The following ZNF695 variants were observed in gnomAD, a reference collection of about 807,000 sequenced individuals.
ZNF695 encodes zinc finger protein SBZF3.
A neutral mutation model predicts 11.2 loss-of-function variants in ZNF695; 11 were observed. The ratio of observed to expected loss-of-function variants is 0.98; its 90% CI spans 0.62 to 1.62. The LOEUF is 1.62. ZNF695 is among the 40% of genes most tolerant of loss of function. ZNF695 has a pLI of 0.00. For missense variants in ZNF695, 559 were observed against 590.5 expected (o/e 0.95, Z 0.55); for synonymous variants, 190 against 201.4 (o/e 0.94, Z 0.48).
chr1:246,995,007 G>T (rs1226011458), intron 3 of ZNF695, among the ~76,000 whole-genome samples: 1 of 152,076 alleles, frequency 6.6e-6, no homozygotes, highest in African/African-American at 2.4e-5. Context: ...GATATATAAA[G>T]CAACTATTTA....
chr1:246,987,234 C>A lies in ZNF695; in HGVS notation c.1281G>T (p.Lys427Asn). ...FTWFSYLTQH[K>N]RIHTGEKPYK... The stretch of plus-strand genomic sequence containing the variant: ...AGGGTTTCTCTCCAGTATGAATTCT[C>A]TTATGTTGAGTAAGGTATGAAAACC... The change falls in exon 4 of 4, where the codon AAG becomes AAT. Residue 427 changes from lysine (K) to asparagine (N), a missense_variant. Physicochemically the swap from Lys to Asn is moderately conservative, Grantham distance 94. Coordinates refer to ENST00000339986, the MANE Select transcript of ZNF695 (RefSeq NM_020394.5). The A allele has an allele frequency of 6.2e-7, 1 of 1,613,862 alleles. No homozygotes were observed. The highest frequency in any genetic ancestry group is 8.5e-7 in the Non-Finnish European group (1 of 1,179,962).
chr1:246,971,762 AG>A (rs1668433203), intron 4 of ZNF695, among the ~76,000 whole-genome samples: 1 of 152,238 alleles, frequency 6.6e-6, no homozygotes, highest in East Asian at 1.9e-4. Context: ...ATCTATTTCT[AG>A]TATAACTATT....
chr1:246,984,875 T>C (rs932666636), downstream of ZNF695, among the ~76,000 whole-genome samples: 37 of 152,186 alleles, frequency 2.4e-4, no homozygotes, highest in African/African-American at 8.7e-4. Flanking sequence ...CATAAGAAAT[T>C]CTTCATGAAT....
At position 246,987,812 on chromosome 1, in the gene ZNF695, C is replaced by A; in HGVS notation, c.703G>T (p.Val235Phe). 6.2e-7 allele frequency: 1 copy of A among 1,610,474 alleles called. No homozygotes were observed. Among genetic ancestry groups the A allele is most frequent in the South Asian group, 1.1e-5 (1 of 90,144 alleles). Residue 235 changes from valine (V) to phenylalanine (F), a missense_variant, in exon 4 of 4, where the codon GTT (valine) becomes TTT (phenylalanine). Val to Phe is a conservative substitution (Grantham distance 50). Transcript: ENST00000339986. The stretch of plus-strand genomic sequence containing the variant: ...TCACATTTGCAATGTTTCTCTCCAA[C>A]ATGAATTCTCTTACAGTCAGTAAAG... ...SCFTDCKRIH[V>F]GEKHCKCEEC...
Position 246,986,361 on chromosome 1 carries a change from C to A in ZNF695, c.*606G>T, listed in dbSNP as rs567411807. On this transcript the variant is annotated 3_prime_UTR_variant, in exon 4 of 4. Transcript: ENST00000339986. ...GCAACTATAGGAAAGAGCCACCGTG[C>A]CTGGCACCAAAAGGTATACTTGAAA... The A allele has an allele frequency of 7.1e-6, 7 of 985,340 alleles. No homozygotes were observed. In the South Asian group the frequency reaches 3.3e-4, roughly 46 times the overall value. 61.0% of individuals were successfully genotyped at this position (985,340 alleles called of 1,614,324 possible).
chr1:246,978,590 A>G (rs945074729), intron 4 of ZNF695, among the ~76,000 whole-genome samples: 15 of 152,204 alleles, frequency 9.9e-5, no homozygotes, highest in Admixed American at 3.9e-4. Context: ...GGTCAGACCT[A>G]TTTTTGTTCA....
intron 5 of ZNF695, among the ~76,000 whole-genome samples, chr1:246,946,542 C>G (rs1667739887): frequency 6.6e-6 from 1 of 152,254 alleles, no homozygotes; most frequent in African/African-American, 2.4e-5. Context: ...GAGATGGCAT[C>G]TGGCTGGCAG....
chr1:246,957,370 G>A (rs1456021254), intron 5 of ZNF695, among the ~76,000 whole-genome samples: 26 of 148,060 alleles, frequency 1.8e-4, no homozygotes, highest in Admixed American at 1.4e-3. Flanking sequence ...GCAACACAGC[G>A]AAACTCCGTC....
At chr1:247,001,714 A>C (rs1368900982) in intron 1 of ZNF695, among the ~76,000 whole-genome samples, 1 of 2,272 alleles carries the variant, frequency 4.4e-4, no homozygotes. Flanking sequence ...CTTCGTCTCA[A>C]AAAAAAAAAA....
intron 5 of ZNF695, among the ~76,000 whole-genome samples, chr1:246,963,048 T>C (rs1281061129): frequency 6.6e-6 from 1 of 152,204 alleles, no homozygotes. Context: ...AACCGGCTCC[T>C]GTCTCTTGCC....
chr1:246,995,896 G>T (rs958683112), intron 3 of ZNF695: 2 of 311,844 alleles, frequency 6.4e-6, no homozygotes, highest in East Asian at 2.7e-4. Context: ...TTAGGTCAAT[G>T]AAACAGAATA....
At chr1:246,993,617 G>A (rs1485695293) in intron 3 of ZNF695, among the ~76,000 whole-genome samples, 1 of 151,986 alleles carries the variant, frequency 6.6e-6, no homozygotes, top group South Asian at 2.1e-4. Flanking sequence ...AAAGTATCAG[G>A]GTACTTAACG....
intron 5 of ZNF695, among the ~76,000 whole-genome samples, chr1:246,959,313 ATATATATATAT>A (rs1668101537): frequency 1.2e-3 from 47 of 39,472 alleles, no homozygotes; most frequent in African/African-American, 3.2e-3. Flanking sequence ...AAAAAAAAAT[ATATATATATAT>A]ATATATATAT....
At chr1:246,970,630 T>C (rs1668400922) in intron 4 of ZNF695, among the ~76,000 whole-genome samples, 1 of 152,218 alleles carries the variant, frequency 6.6e-6, no homozygotes, top group Non-Finnish European at 1.5e-5. Flanking sequence ...ATCTATAAGC[T>C]AAACAATTCC....
intron 4 of ZNF695, among the ~76,000 whole-genome samples, chr1:246,975,651 T>C (rs1668538896): frequency 6.6e-6 from 1 of 152,218 alleles, no homozygotes; most frequent in Admixed American, 6.5e-5. Flanking sequence ...TGCTGAGGGC[T>C]GAGGAGTAAT....
At chr1:246,950,339 T>G (rs1202320652) in intron 5 of ZNF695, among the ~76,000 whole-genome samples, 1 of 152,290 alleles carries the variant, frequency 6.6e-6, no homozygotes, top group African/African-American at 2.4e-5. Flanking sequence ...TTTTTGATTA[T>G]ATATAATCCT....
intron 4 of ZNF695, among the ~76,000 whole-genome samples, chr1:246,970,915 C>T (rs553322603): frequency 2.4e-4 from 36 of 152,262 alleles, no homozygotes; most frequent in African/African-American, 6.5e-4. Context: ...TACAGGCATG[C>T]GCTGTAGGGT....
chr1:247,007,926 TC>T lies in ZNF695; in HGVS notation c.-19del. 1 of 1,521,816 alleles carries T rather than the reference TC, an allele frequency of 6.6e-7. No homozygotes were observed. Among genetic ancestry groups the T allele is most frequent in the Non-Finnish European group, 8.9e-7 (1 of 1,126,946 alleles). 94.3% of individuals were successfully genotyped at this position (1,521,816 alleles called of 1,614,324 possible). A position where few individuals can be genotyped will look rare whatever the true frequency, so the allele number is the denominator to read the frequency against. On this transcript the variant is annotated 5_prime_UTR_variant, in exon 1 of 4. Transcript: ENST00000339986. ...CTCACCATTTCCCAGCTTTTGGGGG[TC>T]CCAGCGTCCTCCCTATAAATCTCGC...
chr1:247,005,732 C>T (rs990201657), intron 1 of ZNF695, among the ~76,000 whole-genome samples: 2 of 151,874 alleles, frequency 1.3e-5, no homozygotes, highest in Non-Finnish European at 2.9e-5. Flanking sequence ...AAACTTGGCC[C>T]CCGTCTCTAG....
Sources: allele counts gnomAD v4.1 joint callset (sites outside exome capture counted in the v4.1 genomes callset), GRCh38; gene constraint gnomAD v4.1.1; transcripts MANE v1.5; gene names NCBI Gene and HGNC (gene_info 2026-07-23, HGNC 2026-07-21).